IPO11: variants seen among roughly 807,000 people sequenced by gnomAD.
The protein encoded by IPO11 is importin 11, also known as importin-11.
In IPO11, 66 loss-of-function variants were observed where a neutral mutation model predicts 143.2. The observed-to-expected ratio is 0.46, with a 90% CI of 0.38 to 0.57. The LOEUF is 0.57. Ranked by LOEUF, IPO11 falls within the 20% of genes least tolerant of loss-of-function variation. The pLI is 0.00. For missense variants in IPO11, 1,026 were observed against 1,141.0 expected (o/e 0.90, Z 1.45); for synonymous variants, 385 against 377.8 (o/e 1.02, Z -0.22).
intron 10 of IPO11, 182 bp downstream of exon 10, chr5:62,483,475 A>G: frequency 2.1e-6 from 1 of 478,492 alleles, no homozygotes; most frequent in Non-Finnish European, 3.6e-6. Flanking sequence ...AAAACAACAT[A>G]GTGCATTTAA....
At chr5:62,426,931 G>GTTTTTTTTTTTTTTTT (rs763031944) in intron 1 of IPO11, among the ~76,000 whole-genome samples, 3 of 90,244 alleles carry the variant, frequency 3.3e-5, no homozygotes, top group East Asian at 3.4e-4. Flanking sequence ...TTTTCTTTCT[G>GTTTTTTTTTTTTTTTT]TTTTTTTTTT....
intron 19 of IPO11, among the ~76,000 whole-genome samples, chr5:62,507,098 CAT>C (rs1313878189): frequency 1.3e-5 from 2 of 152,214 alleles, no homozygotes; most frequent in African/African-American, 2.4e-5. Flanking sequence ...AACATACTGA[CAT>C]ATGTGCTACA....
chr5:62,513,490 G>A (rs1440046858), intron 19 of IPO11, among the ~76,000 whole-genome samples: 25 of 135,440 alleles, frequency 1.8e-4, no homozygotes, highest in Non-Finnish European at 3.3e-4. Flanking sequence ...AGGGGCGGCC[G>A]GGCAGAGGCG....
chr5:62,586,523 A>G (rs1402182565), intron 27 of IPO11, among the ~76,000 whole-genome samples: 1 of 151,912 alleles, frequency 6.6e-6, no homozygotes, highest in African/African-American at 2.4e-5. Flanking sequence ...CTTAAAATAT[A>G]TCTTCATCAC....
chr5:62,582,580 T>G (rs1168214535), intron 27 of IPO11, among the ~76,000 whole-genome samples: 2 of 152,204 alleles, frequency 1.3e-5, no homozygotes, highest in Non-Finnish European at 2.9e-5. Flanking sequence ...ATCTGTCCAG[T>G]ACACTGGAAA....
At chr5:62,539,827 T>C (rs1300295281) in intron 24 of IPO11, among the ~76,000 whole-genome samples, 8 of 152,238 alleles carry the variant, frequency 5.3e-5, no homozygotes, top group Admixed American at 1.3e-4. Context: ...CTCAGTCTTA[T>C]ACAATTTCAG....
At chr5:62,470,816 CTTTTTTTTTTTTTTTTTTTTT>C (rs70981015) in intron 7 of IPO11, among the ~76,000 whole-genome samples, 1 of 62,536 alleles carries the variant, frequency 1.6e-5, no homozygotes, top group Non-Finnish European at 2.7e-5. Context: ...TAGCCATCTT[CTTTTTTTTTTTTTTTTTTTTT>C]TTTTTTTTGA....
intron 27 of IPO11, chr5:62,579,926 T>A (rs1744480919): frequency 6.4e-7 from 1 of 1,551,216 alleles, no homozygotes; most frequent in Non-Finnish European, 8.7e-7. Context: ...TACTTAAATC[T>A]ACAAAGGAAT....
intron 29 of IPO11, among the ~76,000 whole-genome samples, chr5:62,616,282 G>C (rs935886906): frequency 1.3e-5 from 2 of 152,156 alleles, no homozygotes; most frequent in African/African-American, 4.8e-5. Context: ...TTGAGATCCC[G>C]TAGTAGGAAA....
chr5:62,514,815 A>T (rs1186399872), intron 19 of IPO11, among the ~76,000 whole-genome samples: 1 of 152,340 alleles, frequency 6.6e-6, no homozygotes, highest in East Asian at 1.9e-4. Flanking sequence ...GTAAAATCTG[A>T]TTAACTTAAT....
intron 9 of IPO11, among the ~76,000 whole-genome samples, chr5:62,479,596 C>T (rs536888718): frequency 6.6e-6 from 1 of 152,262 alleles, no homozygotes; most frequent in Non-Finnish European, 1.5e-5. Context: ...CTCTCCAGCA[C>T]CTGTTGTTTC....
chr5:62,505,923 T>A (rs1741541142), intron 18 of IPO11, among the ~76,000 whole-genome samples: 1 of 152,100 alleles, frequency 6.6e-6, no homozygotes. Flanking sequence ...CAAGGCACTG[T>A]TAACAGTTTA....
intron 27 of IPO11, chr5:62,579,397 A>G (rs1310474745): frequency 7.2e-6 from 11 of 1,534,738 alleles, no homozygotes; most frequent in Non-Finnish European, 9.7e-6. Flanking sequence ...TTCTCTTTTT[A>G]TAGCCAATTC....
At chr5:62,558,623 A>G (rs1400299397) in intron 26 of IPO11, among the ~76,000 whole-genome samples, 2 of 152,244 alleles carry the variant, frequency 1.3e-5, no homozygotes, top group Non-Finnish European at 2.9e-5. Context: ...AAAGTAAAGT[A>G]TCATCATGAA....
chr5:62,610,509 A>G (rs1324920268), intron 29 of IPO11, among the ~76,000 whole-genome samples: 2 of 152,218 alleles, frequency 1.3e-5, no homozygotes, highest in African/African-American at 4.8e-5. Context: ...GTTATCACAT[A>G]TCACATATAT....
At chr5:62,604,529 CGTGGAAAGTATTTTT>C (rs990189166) in intron 29 of IPO11, among the ~76,000 whole-genome samples, 1 of 152,044 alleles carries the variant, frequency 6.6e-6, no homozygotes, top group African/African-American at 2.4e-5. Context: ...ATCTTAAATA[CGTGGAAAGTATTTTT>C]TTTTGCACCT....
At chr5:62,456,823 G>A (rs1283446187) in intron 5 of IPO11, among the ~76,000 whole-genome samples, 2 of 152,184 alleles carry the variant, frequency 1.3e-5, no homozygotes, top group African/African-American at 4.8e-5. Context: ...GCCGGGTGCG[G>A]TGGCTCACGC....
intron 15 of IPO11, among the ~76,000 whole-genome samples, chr5:62,493,210 T>G (rs1308742338): frequency 6.6e-6 from 1 of 152,232 alleles, no homozygotes; most frequent in Non-Finnish European, 1.5e-5. Flanking sequence ...ATCACAAAAT[T>G]TATATGAAAG....
intron 5 of IPO11, among the ~76,000 whole-genome samples, chr5:62,466,250 G>A (rs1745570282): frequency 6.6e-6 from 1 of 152,144 alleles, no homozygotes; most frequent in South Asian, 2.1e-4. Flanking sequence ...TGGGGGATAT[G>A]GTGAAGCCGT....
Sources: allele counts gnomAD v4.1 joint callset (sites outside exome capture counted in the v4.1 genomes callset), GRCh38; gene constraint gnomAD v4.1.1; transcripts MANE v1.5; gene names NCBI Gene and HGNC (gene_info 2026-07-23, HGNC 2026-07-21).